Variants in IGFBP7 observed in about 807,000 individuals in gnomAD.
IGFBP7 encodes insulin like growth factor binding protein 7.
In IGFBP7, 31 loss-of-function variants were observed where a neutral mutation model predicts 29.4. That is an observed-to-expected ratio of 1.05 (90% CI 0.79 to 1.42). The LOEUF (loss-of-function observed/expected upper bound fraction) is 1.42, where lower values mean the gene tolerates loss of function less well. Ranked by LOEUF, IGFBP7 falls within the 40% of genes most tolerant of loss-of-function variation. IGFBP7 has a pLI of 0.00. For synonymous variants in IGFBP7, 172 were observed against 174.9 expected (o/e 0.98, Z 0.13); for missense variants, 393 against 395.5 (o/e 0.99, Z 0.05).
chr4:57,046,428 G>T (rs927224123), intron 1 of IGFBP7, among the ~76,000 whole-genome samples: 1 of 152,074 alleles, frequency 6.6e-6, no homozygotes, highest in Non-Finnish European at 1.5e-5. Context: ...AAGGCAGATC[G>T]AGAATTTATT....
chr4:57,102,302 G>C (rs1031093277), intron 1 of IGFBP7, among the ~76,000 whole-genome samples: 4 of 152,266 alleles, frequency 2.6e-5, no homozygotes, highest in African/African-American at 9.6e-5. Context: ...GGGACAGGAT[G>C]GAAATCGTAT....
At chr4:57,037,422 G>C (rs1016061495) in intron 2 of IGFBP7, among the ~76,000 whole-genome samples, 29 of 151,544 alleles carry the variant, frequency 1.9e-4, no homozygotes, top group African/African-American at 4.9e-4. Flanking sequence ...TGTTGCCCAG[G>C]CTGGAGTGCA....
chr4:57,087,202 T>C (rs554303090), intron 1 of IGFBP7, among the ~76,000 whole-genome samples: 1 of 152,362 alleles, frequency 6.6e-6, no homozygotes, highest in African/African-American at 2.4e-5. Flanking sequence ...AAGTGATAAA[T>C]GAGTCATTCT....
chr4:57,034,066 A>AT (rs1553913044), intron 2 of IGFBP7, among the ~76,000 whole-genome samples: 1 of 151,562 alleles, frequency 6.6e-6, no homozygotes, highest in African/African-American at 2.4e-5. Context: ...AAAAAAAAAA[A>AT]AACAGCTGTC....
At chr4:57,072,265 T>C (rs998225996) in intron 1 of IGFBP7, among the ~76,000 whole-genome samples, 1 of 152,212 alleles carries the variant, frequency 6.6e-6, no homozygotes, top group Non-Finnish European at 1.5e-5. Flanking sequence ...TTTCTGTTTC[T>C]ACGTTAGTTT....
intron 1 of IGFBP7, among the ~76,000 whole-genome samples, chr4:57,066,658 G>A (rs944072235): frequency 9.2e-5 from 14 of 151,766 alleles, no homozygotes; most frequent in African/African-American, 3.1e-4. Flanking sequence ...CCGCCTCTTG[G>A]GTTCAAGTGA....
chr4:57,060,102 G>C (rs1342941877), intron 1 of IGFBP7, among the ~76,000 whole-genome samples: 1 of 152,178 alleles, frequency 6.6e-6, no homozygotes, highest in Non-Finnish European at 1.5e-5. Context: ...AGGAAGTGAA[G>C]ACAACTATAC....
At chr4:57,094,627 G>A (rs1468237776) in intron 1 of IGFBP7, among the ~76,000 whole-genome samples, 1 of 152,214 alleles carries the variant, frequency 6.6e-6, no homozygotes, top group Admixed American at 6.5e-5. Flanking sequence ...ACTGCATCAA[G>A]AGTCATCCAA....
chr4:57,043,780 C>A (rs143542003), intron 1 of IGFBP7, among the ~76,000 whole-genome samples: 222 of 152,296 alleles, frequency 1.5e-3, no homozygotes, highest in African/African-American at 5.1e-3. Flanking sequence ...GCAGTATTTA[C>A]GTTTCTGGCT....
intron 1 of IGFBP7, among the ~76,000 whole-genome samples, chr4:57,074,969 C>G (rs1343933025): frequency 1.3e-5 from 2 of 152,234 alleles, no homozygotes; most frequent in East Asian, 3.8e-4. Flanking sequence ...GAAATCCGTG[C>G]TGATTGGACC....
At chr4:57,084,977 C>T (rs763591843) in intron 1 of IGFBP7, among the ~76,000 whole-genome samples, 13 of 151,626 alleles carry the variant, frequency 8.6e-5, no homozygotes, top group African/African-American at 2.7e-4. Context: ...AAAATGGATA[C>T]AGGGTCTCAC....
intron 1 of IGFBP7, among the ~76,000 whole-genome samples, chr4:57,078,838 C>T (rs1725292700): frequency 8.6e-6 from 1 of 115,796 alleles, no homozygotes; most frequent in South Asian, 3.0e-4. Flanking sequence ...TAGGAGATTT[C>T]TTGAACAATA....
At chr4:57,072,661 C>A in intron 1 of IGFBP7, 1 of 326,018 alleles carries the variant, frequency 3.1e-6, no homozygotes, top group Non-Finnish European at 6.0e-6. Context: ...CCACCACCAG[C>A]AGGGGTGCTG....
chr4:57,031,371 C>T (rs769087236), intron 4 of IGFBP7, 35 bp from the exon 5 acceptor site: 33 of 1,536,610 alleles, frequency 2.1e-5, no homozygotes, highest in Non-Finnish European at 2.7e-5. Flanking sequence ...AAATTAGTTA[C>T]ATATGGGGAT....
chr4:57,066,792 A>G (rs1180598438), intron 1 of IGFBP7, among the ~76,000 whole-genome samples: 2 of 151,838 alleles, frequency 1.3e-5, no homozygotes. Context: ...CGAACTCCTG[A>G]CCTCAGGTGA....
chr4:57,108,761 C>A (rs1447556815), intron 1 of IGFBP7, among the ~76,000 whole-genome samples: 2 of 152,078 alleles, frequency 1.3e-5, no homozygotes, highest in African/African-American at 4.8e-5. Context: ...GTTGGTCAGG[C>A]TGATCTCGAA....
At chr4:57,080,690 G>A (rs1025488810) in intron 1 of IGFBP7, among the ~76,000 whole-genome samples, 3 of 152,112 alleles carry the variant, frequency 2.0e-5, no homozygotes, top group Admixed American at 2.0e-4. Flanking sequence ...ACCACACCTG[G>A]CTGACATTTT....
At chr4:57,038,085 C>T (rs1390519208) in intron 2 of IGFBP7, among the ~76,000 whole-genome samples, 2 of 152,224 alleles carry the variant, frequency 1.3e-5, no homozygotes, top group East Asian at 3.9e-4. Context: ...TGCCATCACC[C>T]CCACCTCAGG....
chr4:57,070,041 A>G (rs982432588), intron 1 of IGFBP7, among the ~76,000 whole-genome samples: 6 of 152,180 alleles, frequency 3.9e-5, no homozygotes, highest in Non-Finnish European at 7.3e-5. Flanking sequence ...GAATCGTGCC[A>G]TTGCACTCCA....
Sources: gnomAD v4.1 joint callset for allele counts (sites outside exome capture counted in the v4.1 genomes callset) on GRCh38, gnomAD v4.1.1 for gene constraint, MANE v1.5 for transcripts, NCBI Gene and HGNC (gene_info 2026-07-23, HGNC 2026-07-21) for gene names.